The following PDE6C variants were observed in gnomAD, a reference collection of about 807,000 sequenced individuals.
PDE6C encodes the protein cone cGMP-specific 3',5'-cyclic phosphodiesterase subunit alpha'.
A neutral mutation model predicts 113.1 loss-of-function variants in PDE6C; 75 were observed. That is an observed-to-expected ratio of 0.66 (90% confidence interval 0.55 to 0.80). The LOEUF (loss-of-function observed/expected upper bound fraction) is 0.80. PDE6C is among the 30% of genes least tolerant of loss of function. The pLI, the probability that PDE6C is intolerant of heterozygous loss-of-function variation, is 0.00. For missense variants in PDE6C, 912 were observed against 1,038.6 expected, an observed-to-expected ratio of 0.88 and a Z score of 1.67; for synonymous variants, 375 against 363.7, an observed-to-expected ratio of 1.03 and a Z score of -0.35.
intron 1 of PDE6C, 80 bp from the exon 2 acceptor site, chr10:93,620,552 A>G: frequency 1.4e-6 from 2 of 1,405,444 alleles, no homozygotes; most frequent in Non-Finnish European, 2.0e-6. Context: ...TAAATGAGAG[A>G]GAATGATCTG....
chr10:93,647,297 C>T (rs2058589603), intron 15 of PDE6C, among the ~76,000 whole-genome samples: 1 of 152,040 alleles, frequency 6.6e-6, no homozygotes, highest in South Asian at 2.1e-4. Flanking sequence ...GTGGGCTTTT[C>T]TCACTTTCAA....
rs997672767 is a variant in PDE6C, at chr10:93,631,756, A to G, written c.1119+2451A>G. On this transcript the variant is annotated intron_variant, in intron 8 of 21. Coordinates refer to ENST00000371447, the MANE Select transcript of PDE6C (RefSeq NM_006204.4). The stretch of plus-strand genomic sequence containing the variant: ...CCTGATTCTTACGATTCCTTTTTGC[A>G]CCTGAGAAGTTTGATAGACAAGCCA... 2.6e-5 allele frequency among the ~76,000 whole-genome samples: 4 copies of G among 152,034 alleles called. No homozygotes were observed. The South Asian group carries it at 8.3e-4, about 31-fold the overall frequency.
At chr10:93,618,374 T>G (rs1390433952) in intron 1 of PDE6C, among the ~76,000 whole-genome samples, 3 of 152,176 alleles carry the variant, frequency 2.0e-5, no homozygotes, top group Non-Finnish European at 4.4e-5. Context: ...TTACCCCTAT[T>G]TTCAGATTAC....
intron 4 of PDE6C, 35 bp from the exon 5 acceptor site, chr10:93,625,540 T>A: frequency 3.0e-6 from 4 of 1,327,144 alleles, no homozygotes; most frequent in Non-Finnish European, 4.4e-6. Context: ...CATGGAACAG[T>A]GTGTTTAATG....
Position 93,620,773 on chromosome 10 carries a change from C to T in PDE6C, c.622C>T (p.Gln208Ter). The T allele has an allele frequency of 6.2e-7, 1 of 1,614,146 alleles. No individual in the cohort carries two copies. Among genetic ancestry groups the T allele is most frequent in the Non-Finnish European group, 8.5e-7 (1 of 1,180,028 alleles). The change falls in exon 2 of 22, where the codon CAG becomes TAG. Residue 208 changes from glutamine to a stop codon, truncating the protein, a stop_gained. Coordinates refer to ENST00000371447, the MANE Select transcript of PDE6C (RefSeq NM_006204.4). LOFTEE classifies it high-confidence loss of function. ...NKVNASEFSK[Q>*]DEEVFSKYLN... ...AGTAAATGCATCTGAATTTTCCAAA[C>T]AGGATGAAGAGGTAATGCTAACCCT...
intron 1 of PDE6C, among the ~76,000 whole-genome samples, chr10:93,614,067 G>T (rs2058408179): frequency 6.6e-6 from 1 of 152,130 alleles, no homozygotes; most frequent in African/African-American, 2.4e-5. Flanking sequence ...AATAATCAAG[G>T]GTACCAGCTT....
intron 18 of PDE6C, 85 bp from the exon 19 acceptor site, chr10:93,661,974 G>A (rs554305717): frequency 1.2e-5 from 10 of 851,778 alleles, no homozygotes; most frequent in Admixed American, 5.1e-5. Flanking sequence ...CTGTAAACTC[G>A]ATCCTTAAAT....
At position 93,624,765 on chromosome 10, in the gene PDE6C, G is replaced by A. The variant is rs117945778; in HGVS notation, c.865-810G>A. On this transcript the variant is annotated intron_variant, in intron 4 of 21. Coordinates refer to ENST00000371447, the MANE Select transcript of PDE6C (RefSeq NM_006204.4). ...TTTATTCTCCTACTTAACAAGGTAG[G>A]GCAGCGCTAGTACTGGTTGATTCAG... is the stretch of plus-strand genomic sequence containing the variant. Among the ~76,000 whole-genome samples the A allele has an allele frequency of 7.4e-3, 1,123 of 152,194 alleles. 6 individuals carry two copies. Among genetic ancestry groups the A allele is most frequent in the Non-Finnish European group, 0.011 (716 of 68,008 alleles).
chr10:93,638,106 A>G (rs193018679), intron 11 of PDE6C, among the ~76,000 whole-genome samples: 25 of 152,338 alleles, frequency 1.6e-4, no homozygotes, highest in African/African-American at 5.8e-4. Flanking sequence ...ATTTCAGAGG[A>G]TTGAATTCCT....
chr10:93,645,199 G>A (rs1317348788), intron 14 of PDE6C, among the ~76,000 whole-genome samples: 1 of 151,982 alleles, frequency 6.6e-6, no homozygotes, highest in Non-Finnish European at 1.5e-5. Flanking sequence ...TTAAAATTAT[G>A]ATCGATTGTA....
At chr10:93,625,802 C>A (rs2058470719) in intron 5 of PDE6C, among the ~76,000 whole-genome samples, 153 bp downstream of exon 5, 1 of 152,164 alleles carries the variant, frequency 6.6e-6, no homozygotes, top group Non-Finnish European at 1.5e-5. Context: ...CAGCTATGCC[C>A]CAAGCTAGAG....
rs147299222 is a variant in PDE6C, at chr10:93,649,985, G to T, written c.1935+3938G>T. On this transcript the variant is annotated intron_variant, in intron 15 of 21. Coordinates refer to ENST00000371447, the MANE Select transcript of PDE6C (RefSeq NM_006204.4). ...GGGAAACCAGCACCACAATCAAGAT[G>T]CAGAACACTTCTATCATCCAAGTAA... Among the ~76,000 whole-genome samples the T allele has an allele frequency of 3.2e-4, 48 of 152,240 alleles. No individual in the cohort carries two copies. In the East Asian group the frequency reaches 9.1e-3, roughly 29 times the overall value.
chr10:93,639,565 C>A (rs2058549278), intron 11 of PDE6C, among the ~76,000 whole-genome samples: 1 of 152,186 alleles, frequency 6.6e-6, no homozygotes, highest in South Asian at 2.1e-4. Context: ...ACAGGACCTG[C>A]AGATTTGGGA....
intron 1 of PDE6C, among the ~76,000 whole-genome samples, chr10:93,620,410 C>T (rs192278549): frequency 1.6e-4 from 24 of 152,268 alleles, no homozygotes; most frequent in Middle Eastern, 3.4e-3. Context: ...CCTAAATAGG[C>T]CATAGCTCAG....
At chr10:93,622,559 C>T (rs1376762187) in intron 4 of PDE6C, among the ~76,000 whole-genome samples, 1 of 151,358 alleles carries the variant, frequency 6.6e-6, no homozygotes, top group Non-Finnish European at 1.5e-5. Context: ...ATCAGACAGA[C>T]TACTTTCAGT....
intron 4 of PDE6C, among the ~76,000 whole-genome samples, chr10:93,624,536 C>T (rs2058463252): frequency 6.6e-6 from 1 of 152,114 alleles, no homozygotes. Context: ...CCGCACCTGG[C>T]CTTATTTATA....
At chr10:93,615,116 C>A (rs1185441807) in intron 1 of PDE6C, among the ~76,000 whole-genome samples, 5 of 152,016 alleles carry the variant, frequency 3.3e-5, no homozygotes, top group Non-Finnish European at 1.5e-5. Context: ...ACATGGGAAA[C>A]CCCCGTCTCT....
intron 8 of PDE6C, 99 bp downstream of exon 8, chr10:93,629,404 G>GTGTGCC: frequency 1.1e-6 from 1 of 911,134 alleles, no homozygotes; most frequent in Non-Finnish European, 1.9e-6. Flanking sequence ...TGATGCTCAG[G>GTGTGCC]TGTGGCCACA....
chr10:93,626,438 T>G (rs1421937698), intron 5 of PDE6C, among the ~76,000 whole-genome samples: 1 of 152,226 alleles, frequency 6.6e-6, no homozygotes, highest in Non-Finnish European at 1.5e-5. Context: ...AGCCTGTGCA[T>G]GTAGATAAAC....
Sources: allele counts gnomAD v4.1 joint callset (sites outside exome capture counted in the v4.1 genomes callset), GRCh38; gene constraint gnomAD v4.1.1; transcripts MANE v1.5; gene names NCBI Gene and HGNC (gene_info 2026-07-23, HGNC 2026-07-21).